FGD6: variants seen among roughly 807,000 people sequenced by gnomAD.
FGD6 encodes the protein FYVE, RhoGEF and PH domain containing 6.
FGD6 carries 90 observed loss-of-function variants against 149.4 expected under a neutral mutation model. That is an observed-to-expected ratio of 0.60 (90% CI 0.51 to 0.72). FGD6 has a LOEUF of 0.72. Ranked by LOEUF, FGD6 falls within the 30% of genes least tolerant of loss-of-function variation. FGD6 has a pLI of 0.00. For missense variants in FGD6, 1,437 were observed against 1,684.8 expected (o/e 0.85, Z 2.57); for synonymous variants, 527 against 584.0 (o/e 0.90, Z 1.41).
chr12:95,187,652 C>CCAAAAAAAAA (rs1555222014), intron 2 of FGD6, among the ~76,000 whole-genome samples: 1 of 106,688 alleles, frequency 9.4e-6, no homozygotes, highest in Non-Finnish European at 2.0e-5. Flanking sequence ...GCTGCGTCCC[C>CCAAAAAAAAA]AAAAAAAAAA....
intron 1 of FGD6, among the ~76,000 whole-genome samples, chr12:95,216,030 T>C (rs186297055): frequency 6.6e-6 from 1 of 152,332 alleles, no homozygotes; most frequent in African/African-American, 2.4e-5. Flanking sequence ...AGAGAGTTTA[T>C]AAAGATATCT....
intron 2 of FGD6, among the ~76,000 whole-genome samples, chr12:95,188,902 CAAAG>C (rs1184279479): frequency 1.3e-5 from 2 of 151,286 alleles, no homozygotes; most frequent in South Asian, 2.1e-4. Context: ...CCACAAAATG[CAAAG>C]AAAGAAAAGA....
At position 95,164,186 on chromosome 12, in the gene FGD6, T is replaced by G. The variant is rs561403004; in HGVS notation, c.2586+8414A>C. Among the ~76,000 whole-genome samples, 3 of 152,208 alleles carry G rather than the reference T, an allele frequency of 2.0e-5. No homozygotes were observed. The East Asian group carries it at 5.8e-4, about 29-fold the overall frequency. On this transcript the variant is annotated intron_variant, in intron 3 of 20. Coordinates refer to ENST00000343958, the MANE Select transcript of FGD6 (RefSeq NM_018351.4). The stretch of plus-strand genomic sequence containing the variant: ...AGAACCTTTGATCTGAAATCTAGTT[T>G]TATGTTCCAATCTCTTGACGCTAGC...
chr12:95,128,808 G>A (rs1476462847), intron 8 of FGD6, among the ~76,000 whole-genome samples: 1 of 152,198 alleles, frequency 6.6e-6, no homozygotes, highest in Admixed American at 6.5e-5. Flanking sequence ...ATATTTGTTG[G>A]TGGAGTAATT....
intron 2 of FGD6, among the ~76,000 whole-genome samples, chr12:95,177,016 C>T (rs867096214): frequency 5.3e-5 from 8 of 151,830 alleles, no homozygotes; most frequent in Admixed American, 2.0e-4. Context: ...TTAGTAGAGA[C>T]GGGGTTTCAC....
In FGD6 at chr12:95,158,114, TGCTG is replaced by T. The variant is rs553639738; in HGVS notation, c.2587-5125_2587-5122del. Among the ~76,000 whole-genome samples, 548 of 148,772 alleles carry T rather than the reference TGCTG, an allele frequency of 3.7e-3. 3 individuals carry two copies. Among genetic ancestry groups the T allele is most frequent in the African/African-American group, 0.012 (466 of 40,320 alleles). On this transcript the variant is annotated intron_variant, in intron 3 of 20. Coordinates refer to ENST00000343958, the MANE Select transcript of FGD6 (RefSeq NM_018351.4). ...ACCTGTCTCAGCCTCCCAAAGTGCT[TGCTG>T]GGATTACAGGCATGAGCCACCGTGC...
intron 2 of FGD6, among the ~76,000 whole-genome samples, chr12:95,178,221 T>C (rs952906154): frequency 4.6e-5 from 7 of 152,200 alleles, no homozygotes; most frequent in African/African-American, 1.2e-4. Flanking sequence ...ATAGGCATAG[T>C]TGGCCATTTG....
At position 95,209,426 on chromosome 12, in the gene FGD6, C is replaced by G; in HGVS notation, c.1858G>C (p.Asp620His). 1 of 1,613,010 alleles carries G rather than the reference C, an allele frequency of 6.2e-7. No homozygotes were observed. Among genetic ancestry groups the G allele is most frequent in the Non-Finnish European group, 8.5e-7 (1 of 1,179,312 alleles). The change falls in exon 2 of 21, where the codon GAC (aspartate) becomes CAC (histidine). Residue 620 changes from aspartate (D) to histidine (H), a missense_variant. Around this residue, in one of 2 missense-constraint regions of FGD6, gnomAD observed 1,055 missense variants for 1,146.0 expected, o/e 0.92. Coordinates refer to ENST00000343958, the MANE Select transcript of FGD6 (RefSeq NM_018351.4). ...TTAAAAGAGTTTTTCTTTGTAGAGTCTTTGCAAGGCTTAGTGCACTTTTCC... is the reference window on the plus strand; with the variant it reads ...TTAAAAGAGTTTTTCTTTGTAGAGTGTTTGCAAGGCTTAGTGCACTTTTCC... ...DVEKCTKPCK[D>H]STKKNSFKKL...
intron 14 of FGD6, among the ~76,000 whole-genome samples, chr12:95,102,359 G>T (rs956429234): frequency 6.7e-6 from 1 of 148,410 alleles, no homozygotes; most frequent in African/African-American, 2.5e-5. Flanking sequence ...CACAAGGATC[G>T]CTTGAAGCCG....
chr12:95,155,024 C>T (rs1880425369), intron 3 of FGD6, among the ~76,000 whole-genome samples: 1 of 151,682 alleles, frequency 6.6e-6, no homozygotes. Context: ...GTGTCACAAC[C>T]AAGGTAAAAA....
intron 8 of FGD6, 124 bp downstream of exon 8, chr12:95,134,615 C>T (rs1183457877): frequency 7.5e-6 from 6 of 802,768 alleles, no homozygotes; most frequent in African/African-American, 3.4e-5. Flanking sequence ...TACAAATCCA[C>T]GTATTAGGCA....
chr12:95,179,298 G>A (rs972736087), intron 2 of FGD6, among the ~76,000 whole-genome samples: 19 of 151,496 alleles, frequency 1.3e-4, no homozygotes, highest in African/African-American at 4.6e-4. Flanking sequence ...CTAGGAGTTC[G>A]AGACCGGCCT....
rs1880159080 is a variant in FGD6 at position 95,149,091 on chromosome 12, T to TATATATTATATAAGATATAGC, written c.2685+3699_2685+3719dup. Among the ~76,000 whole-genome samples the TATATATTATATAAGATATAGC allele has an allele frequency of 5.7e-4, 5 of 8,752 alleles. 2 individuals are homozygous for TATATATTATATAAGATATAGC. Among genetic ancestry groups the TATATATTATATAAGATATAGC allele is most frequent in the Admixed American group, 6.1e-3 (2 of 328 alleles). 5.7% of individuals were successfully genotyped at this position (8,752 alleles called of 152,430 possible). ...ATTATATAAGATATAGCATATATTA[T>TATATATTATATAAGATATAGC]ATATATTATATAAGATATAGCATAT... is the stretch of plus-strand genomic sequence containing the variant. On this transcript the variant is annotated intron_variant, in intron 5 of 20. Transcript: ENST00000343958.
At position 95,148,818 on chromosome 12, in the gene FGD6, TTA is replaced by T. The variant is rs1199208884; in HGVS notation, c.2685+3991_2685+3992del. 2.1e-4 allele frequency among the ~76,000 whole-genome samples: 12 copies of T among 57,966 alleles called. 1 individual carries two copies. The highest frequency in any genetic ancestry group is 2.3e-4 in the Non-Finnish European group (7 of 30,870). 38.0% of individuals were successfully genotyped at this position (57,966 alleles called of 152,430 possible). A position where few individuals can be genotyped will look rare whatever the true frequency, so the allele number is the denominator to read the frequency against. ...CATAGCATATGTTATATTACATATA[TTA>T]TATATATTATATAATATATAGCATA... is the stretch of plus-strand genomic sequence containing the variant. On this transcript the variant is annotated intron_variant, in intron 5 of 20. Coordinates refer to ENST00000343958, the MANE Select transcript of FGD6 (RefSeq NM_018351.4).
intron 3 of FGD6, among the ~76,000 whole-genome samples, chr12:95,162,833 C>T (rs1880686796): frequency 6.6e-6 from 1 of 152,132 alleles, no homozygotes; most frequent in South Asian, 2.1e-4. Flanking sequence ...CCATAGTCAC[C>T]TTTTATTATT....
intron 20 of FGD6, among the ~76,000 whole-genome samples, chr12:95,083,788 C>T (rs528142190): frequency 6.6e-6 from 1 of 152,280 alleles, no homozygotes; most frequent in African/African-American, 2.4e-5. Context: ...GTGGAGAACA[C>T]ATGAACACCT....
At position 95,117,006 on chromosome 12, in the gene FGD6, C is replaced by T. The variant is rs1044544255; in HGVS notation, c.3083-3305G>A. Reference sequence around the variant, plus strand: ...CCCAGGTGAAACCCAGGAAAGGAGACCAGACAGACACGCCTATATTGGTCA... The same window carrying T: ...CCCAGGTGAAACCCAGGAAAGGAGATCAGACAGACACGCCTATATTGGTCA... On this transcript the variant is annotated intron_variant, in intron 8 of 20. Coordinates refer to ENST00000343958, the MANE Select transcript of FGD6 (RefSeq NM_018351.4). 9.0e-5 allele frequency: 40 copies of T among 442,152 alleles called. No homozygotes were observed. The Middle Eastern group carries it at 1.5e-3, about 17-fold the overall frequency. 27.4% of individuals were successfully genotyped at this position (442,152 alleles called of 1,614,324 possible).
intron 6 of FGD6, among the ~76,000 whole-genome samples, chr12:95,141,003 C>T (rs1365982051): frequency 6.6e-6 from 1 of 152,118 alleles, no homozygotes; most frequent in Non-Finnish European, 1.5e-5. Context: ...AGGCAGATCA[C>T]CTGAGGTCAG....
chr12:95,138,574 C>A (rs1879751189), intron 6 of FGD6, among the ~76,000 whole-genome samples: 1 of 151,546 alleles, frequency 6.6e-6, no homozygotes, highest in South Asian at 2.1e-4. Flanking sequence ...AAAAAAACTT[C>A]TTACCTGGCA....
Sources: gnomAD v4.1 joint callset for allele counts (sites outside exome capture counted in the v4.1 genomes callset) on GRCh38, gnomAD v4.1.1 for gene constraint, gnomAD v4.1.1 regional missense constraint, MANE v1.5 for transcripts, NCBI Gene and HGNC (gene_info 2026-07-23, HGNC 2026-07-21) for gene names.